The following TRAPPC9 variants were observed in gnomAD, a reference collection of about 807,000 sequenced individuals.
The protein encoded by TRAPPC9 is IKK2 binding protein.
A neutral mutation model predicts 124.0 loss-of-function variants in TRAPPC9; 83 were observed. The observed-to-expected ratio is 0.67, with a 90% confidence interval of 0.56 to 0.80. The LOEUF is 0.80. Ranked by LOEUF, TRAPPC9 falls within the 30% of genes least tolerant of loss-of-function variation. The probability of loss-of-function intolerance (pLI) is 0.00; values close to 1 mark genes in which losing one functional copy is unlikely to be tolerated. For synonymous variants in TRAPPC9, 638 were observed against 617.5 expected (o/e 1.03, Z -0.49); for missense variants, 1,302 against 1,508.3 (o/e 0.86, Z 2.27).
chr8:139,934,824 C>T (rs897800597), intron 19 of TRAPPC9, among the ~76,000 whole-genome samples: 2 of 152,280 alleles, frequency 1.3e-5, no homozygotes, highest in Admixed American at 6.5e-5. Context: ...GGCCAAAGGA[C>T]GAAGTGACTG....
At chr8:139,834,609 C>G (rs1057482905) in intron 21 of TRAPPC9, among the ~76,000 whole-genome samples, 1 of 152,084 alleles carries the variant, frequency 6.6e-6, no homozygotes, top group East Asian at 1.9e-4. Context: ...GGGACGTTGT[C>G]GCCCCATCTC....
intron 17 of TRAPPC9, among the ~76,000 whole-genome samples, chr8:140,136,123 G>A (rs2061299202): frequency 1.3e-5 from 2 of 152,100 alleles, no homozygotes; most frequent in Admixed American, 1.3e-4. Context: ...GAGGGAGGTA[G>A]GTACATTCCC....
intron 2 of TRAPPC9, among the ~76,000 whole-genome samples, chr8:140,443,118 C>T (rs113137002): frequency 1.2e-3 from 126 of 102,926 alleles, no homozygotes; most frequent in Non-Finnish European, 2.1e-3. Flanking sequence ...GGCAACGGAG[C>T]GAGACTCCAT....
At chr8:140,083,095 A>T (rs901705024) in intron 17 of TRAPPC9, among the ~76,000 whole-genome samples, 11 of 152,298 alleles carry the variant, frequency 7.2e-5, no homozygotes, top group African/African-American at 2.6e-4. Context: ...CGGGAGGCTG[A>T]AGCAGGAGAA....
intron 19 of TRAPPC9, among the ~76,000 whole-genome samples, chr8:139,947,726 G>A (rs916621267): frequency 3.3e-5 from 5 of 151,036 alleles, no homozygotes; most frequent in African/African-American, 4.9e-5. Flanking sequence ...AAATTAGCCG[G>A]TCATGGTGGC....
chr8:140,288,446 T>C (rs1322251850), intron 12 of TRAPPC9, among the ~76,000 whole-genome samples: 1 of 152,238 alleles, frequency 6.6e-6, no homozygotes, highest in Non-Finnish European at 1.5e-5. Flanking sequence ...GTACAGGCAC[T>C]AAGCTTGCTA....
chr8:140,057,601 T>C (rs1842362665), intron 17 of TRAPPC9, among the ~76,000 whole-genome samples: 1 of 152,202 alleles, frequency 6.6e-6, no homozygotes, highest in East Asian at 1.9e-4. Context: ...GGACAAACAC[T>C]GCACGATTCT....
At chr8:139,856,782 G>C (rs1204297895) in intron 21 of TRAPPC9, among the ~76,000 whole-genome samples, 1 of 151,672 alleles carries the variant, frequency 6.6e-6, no homozygotes, top group African/African-American at 2.4e-5. Context: ...AGGGGATGGA[G>C]GAAAAGTACA....
chr8:140,312,292 G>C (rs2066318044), intron 9 of TRAPPC9, among the ~76,000 whole-genome samples: 2 of 152,190 alleles, frequency 1.3e-5, no homozygotes, highest in African/African-American at 4.8e-5. Context: ...AGGACTTGGA[G>C]AGAAGAGCAG....
intron 19 of TRAPPC9, among the ~76,000 whole-genome samples, chr8:139,978,765 G>C (rs1836665039): frequency 6.6e-6 from 1 of 152,236 alleles, no homozygotes; most frequent in Non-Finnish European, 1.5e-5. Context: ...CTTCACGGAA[G>C]TTGCCCAGGC....
At chr8:140,069,585 T>C (rs1450716955) in intron 17 of TRAPPC9, among the ~76,000 whole-genome samples, 1 of 152,088 alleles carries the variant, frequency 6.6e-6, no homozygotes, top group Middle Eastern at 3.2e-3. Flanking sequence ...ATACCCCATA[T>C]GACCCCACAA....
At chr8:140,002,960 A>C (rs1336147566) in intron 18 of TRAPPC9, among the ~76,000 whole-genome samples, 1 of 151,748 alleles carries the variant, frequency 6.6e-6, no homozygotes, top group Admixed American at 6.6e-5. Flanking sequence ...ACAAGAAAAC[A>C]TAAAAGAAAA....
chr8:139,979,833 G>A (rs965249390), intron 19 of TRAPPC9, among the ~76,000 whole-genome samples: 1 of 152,176 alleles, frequency 6.6e-6, no homozygotes, highest in African/African-American at 2.4e-5. Context: ...GCCTAAAGCG[G>A]GGCTTGAGGG....
At position 139,919,820 on chromosome 8, in the gene TRAPPC9, G is replaced by C. The variant is rs575685913; in HGVS notation, c.2811-9520C>G. 1.1e-3 allele frequency among the ~76,000 whole-genome samples: 174 copies of C among 152,326 alleles called. 2 individuals carry two copies. The highest frequency in any genetic ancestry group is 8.5e-4 in the Admixed American group (13 of 15,304). On this transcript the variant is annotated intron_variant, in intron 19 of 22. Transcript: ENST00000438773. ...GGAGGACCCCATGCACAGGAAGGCAGTGGCTTGAGGGCCCAAGGCAGCACG... is the reference window on the plus strand; with the variant it reads ...GGAGGACCCCATGCACAGGAAGGCACTGGCTTGAGGGCCCAAGGCAGCACG...
chr8:139,739,111 C>A (rs1818391632), intron 21 of TRAPPC9, among the ~76,000 whole-genome samples: 1 of 152,310 alleles, frequency 6.6e-6, no homozygotes, highest in Non-Finnish European at 1.5e-5. Context: ...CCTGACATCT[C>A]GACCGGGCAC....
At chr8:140,065,587 G>A (rs61307248) in intron 17 of TRAPPC9, among the ~76,000 whole-genome samples, 2 of 152,158 alleles carry the variant, frequency 1.3e-5, no homozygotes, top group Non-Finnish European at 2.9e-5. Context: ...CTGAAAATTC[G>A]AGGACCCCTA....
intron 16 of TRAPPC9, among the ~76,000 whole-genome samples, chr8:140,222,443 G>A (rs891720018): frequency 2.6e-5 from 4 of 152,128 alleles, no homozygotes; most frequent in South Asian, 2.1e-4. Context: ...GATGGCTTTC[G>A]TGGTTCGCAC....
intron 2 of TRAPPC9, among the ~76,000 whole-genome samples, chr8:140,442,693 A>C (rs1301433320): frequency 6.6e-6 from 1 of 152,134 alleles, no homozygotes; most frequent in Non-Finnish European, 1.5e-5. Flanking sequence ...TCTAGTCCAA[A>C]AAACAATTTA....
rs545991987 is a variant in TRAPPC9, at chr8:140,345,584, C to T, written c.1495+14466G>A. 1.2e-4 allele frequency among the ~76,000 whole-genome samples: 19 copies of T among 152,302 alleles called. No individual in the cohort carries two copies. The South Asian group carries it at 3.7e-3, about 30-fold the overall frequency. On this transcript the variant is annotated intron_variant, in intron 9 of 22. Coordinates refer to ENST00000438773, the MANE Select transcript of TRAPPC9 (RefSeq NM_001160372.4). ...TGTGAGTGGGACAGATATGTATTGG[C>T]CGGCACTGGGCTATACTTGCATTTC... is the stretch of plus-strand genomic sequence containing the variant.
Sources: gnomAD v4.1 joint callset for allele counts (sites outside exome capture counted in the v4.1 genomes callset) on GRCh38, gnomAD v4.1.1 for gene constraint, MANE v1.5 for transcripts, NCBI Gene and HGNC (gene_info 2026-07-23, HGNC 2026-07-21) for gene names.